KAZN: variants seen among roughly 807,000 people sequenced by gnomAD.
KAZN encodes the protein kazrin.
Under a neutral mutation model 87.4 loss-of-function variants are expected in KAZN, and 40 were observed. The observed-to-expected ratio is 0.46, with a 90% confidence interval of 0.36 to 0.60. The LOEUF is 0.60. KAZN is among the 20% of genes least tolerant of loss of function. The pLI, the probability that KAZN is intolerant of heterozygous loss-of-function variation, is 0.00. For missense variants in KAZN, 898 were observed against 1,073.9 expected, an observed-to-expected ratio of 0.84 and a Z score of 2.29; for synonymous variants, 466 against 458.3, an observed-to-expected ratio of 1.02 and a Z score of -0.22.
intron 4 of KAZN, among the ~76,000 whole-genome samples, chr1:15,048,652 C>CGTTG (rs1673879991): frequency 6.8e-6 from 1 of 147,448 alleles, no homozygotes. Flanking sequence ...GGTCCTGGGT[C>CGTTG]GTCGGTCCTG....
At chr1:14,551,256 G>A (rs1571915088) in intron 2 of KAZN, among the ~76,000 whole-genome samples, 1 of 152,128 alleles carries the variant, frequency 6.6e-6, no homozygotes, top group Admixed American at 6.5e-5. Flanking sequence ...GCTAATTAGG[G>A]TGGGAGGCCA....
intron 1 of KAZN, among the ~76,000 whole-genome samples, chr1:14,786,288 C>G (rs1040164498): frequency 6.6e-6 from 1 of 152,040 alleles, no homozygotes; most frequent in African/African-American, 2.4e-5. Context: ...GCCTGCTCTC[C>G]CTGGTAACTC....
chr1:14,656,882 G>A (rs1638826283), intron 1 of KAZN, among the ~76,000 whole-genome samples: 2 of 152,122 alleles, frequency 1.3e-5, no homozygotes, highest in South Asian at 2.1e-4. Context: ...AAACCATATC[G>A]CATATCATCC....
intron 1 of KAZN, among the ~76,000 whole-genome samples, chr1:14,696,631 G>T (rs1641616742): frequency 6.6e-6 from 1 of 152,184 alleles, no homozygotes; most frequent in Non-Finnish European, 1.5e-5. Context: ...TAGGCCACTG[G>T]TTCTCCAACT....
At chr1:14,320,575 A>G (rs1290699196) in intron 2 of KAZN, among the ~76,000 whole-genome samples, 2 of 152,122 alleles carry the variant, frequency 1.3e-5, no homozygotes, top group Non-Finnish European at 2.9e-5. Context: ...AGCATCCTCC[A>G]TCCTACCAAA....
At chr1:14,630,208 G>A (rs1040153218) in intron 1 of KAZN, among the ~76,000 whole-genome samples, 5 of 152,170 alleles carry the variant, frequency 3.3e-5, no homozygotes, top group African/African-American at 1.2e-4. Context: ...CATCCCTAGG[G>A]ATACCCCAGC....
intron 1 of KAZN, among the ~76,000 whole-genome samples, chr1:14,723,859 A>C (rs1643245460): frequency 6.6e-6 from 1 of 152,134 alleles, no homozygotes; most frequent in South Asian, 2.1e-4. Context: ...TTTCCCAGAC[A>C]CTGTTGTGGG....
chr1:14,109,815 A>ATTTTT (rs1553129363), intron 1 of KAZN, among the ~76,000 whole-genome samples: 5 of 80,076 alleles, frequency 6.2e-5, no homozygotes, highest in Admixed American at 2.3e-4. Context: ...TATCAAAACG[A>ATTTTT]TTTCAGCGTC....
intron 2 of KAZN, among the ~76,000 whole-genome samples, chr1:14,327,950 A>G (rs1656560463): frequency 6.6e-6 from 1 of 152,258 alleles, no homozygotes; most frequent in Admixed American, 6.5e-5. Context: ...ATAAAATTAC[A>G]TTAGCATCAG....
At chr1:14,375,356 G>C (rs879730995) in intron 2 of KAZN, among the ~76,000 whole-genome samples, 18 of 152,260 alleles carry the variant, frequency 1.2e-4, no homozygotes, top group Non-Finnish European at 2.5e-4. Context: ...AACACAGACA[G>C]CCTTCTCCCA....
intron 2 of KAZN, among the ~76,000 whole-genome samples, chr1:14,441,555 G>A (rs1666706936): frequency 6.6e-6 from 1 of 152,186 alleles, no homozygotes; most frequent in Non-Finnish European, 1.5e-5. Context: ...ACAGAGTTTG[G>A]AAAGCAGTGA....
At chr1:15,064,938 C>T (rs1195991565) in intron 7 of KAZN, among the ~76,000 whole-genome samples, 2 of 151,468 alleles carry the variant, frequency 1.3e-5, no homozygotes, top group Admixed American at 6.6e-5. Flanking sequence ...TGAATTTAAA[C>T]AATATTATTA....
intron 8 of KAZN, among the ~76,000 whole-genome samples, chr1:15,080,996 C>T (rs964891137): frequency 6.6e-6 from 1 of 152,252 alleles, no homozygotes; most frequent in Non-Finnish European, 1.5e-5. Context: ...AGTTCAGAGG[C>T]CTTGCCGTAG....
At chr1:14,876,759 C>A (rs1035794237) in intron 1 of KAZN, among the ~76,000 whole-genome samples, 1 of 152,216 alleles carries the variant, frequency 6.6e-6, no homozygotes, top group Non-Finnish European at 1.5e-5. Flanking sequence ...GCCTGTCACA[C>A]AGAGCTAATA....
At chr1:14,005,706 A>G (rs1055664781) in intron 1 of KAZN, among the ~76,000 whole-genome samples, 30 of 152,204 alleles carry the variant, frequency 2.0e-4, no homozygotes, top group Admixed American at 1.2e-3. Context: ...ATCTTTACCT[A>G]TAGAATTAAA....
chr1:14,147,552 G>A (rs1302462497), intron 1 of KAZN, among the ~76,000 whole-genome samples: 5 of 152,028 alleles, frequency 3.3e-5, no homozygotes, highest in Admixed American at 2.6e-4. Context: ...CCAGCACTTT[G>A]GGAGGCCAAG....
At chr1:13,899,009 C>G (rs754979272) in intron 1 of KAZN, among the ~76,000 whole-genome samples, 2 of 152,340 alleles carry the variant, frequency 1.3e-5, no homozygotes, top group South Asian at 4.1e-4. Flanking sequence ...AGCAAAGAAG[C>G]AAGCACACAC....
Position 15,103,340 on chromosome 1 carries a change from C to A in KAZN, c.1780-19C>A. 6.5e-7 allele frequency: 1 copy of A among 1,543,450 alleles called. No individual in the cohort carries two copies. Among genetic ancestry groups the A allele is most frequent in the Non-Finnish European group, 8.8e-7 (1 of 1,140,584 alleles). ...CGTGTCCCCTTGTCCCTCCGAATGA[C>A]CCACTGTCTCCCCACAAGGCCCTCC... On this transcript the variant is annotated intron_variant, in intron 11 of 14. Coordinates refer to ENST00000376030, the MANE Select transcript of KAZN (RefSeq NM_201628.3).
chr1:14,273,241 C>A (rs1197478262), intron 2 of KAZN, among the ~76,000 whole-genome samples: 4 of 151,846 alleles, frequency 2.6e-5, no homozygotes, highest in African/African-American at 9.7e-5. Context: ...CTTCCTGGAC[C>A]CTACCTGGAA....
Sources: allele counts gnomAD v4.1 joint callset (sites outside exome capture counted in the v4.1 genomes callset), GRCh38; gene constraint gnomAD v4.1.1; transcripts MANE v1.5; gene names NCBI Gene and HGNC (gene_info 2026-07-23, HGNC 2026-07-21).